MARCHF3: variants seen among roughly 807,000 people sequenced by gnomAD.
The protein encoded by MARCHF3 is E3 ubiquitin-protein ligase MARCHF3.
MARCHF3 carries 13 observed loss-of-function variants against 24.2 expected under a neutral mutation model. The ratio of observed to expected loss-of-function variants is 0.54; its 90% CI spans 0.35 to 0.85. MARCHF3 has a LOEUF of 0.85. MARCHF3 is among the 40% of genes least tolerant of loss of function. The probability of loss-of-function intolerance (pLI) is 0.01; values close to 1 mark genes in which losing one functional copy is unlikely to be tolerated. For missense variants in MARCHF3, 276 were observed against 325.0 expected (o/e 0.85, Z 1.16); for synonymous variants, 144 against 137.3 (o/e 1.05, Z -0.34).
chr5:126,898,072 A>C (rs745482798), intron 3 of MARCHF3, among the ~76,000 whole-genome samples: 1 of 152,096 alleles, frequency 6.6e-6, no homozygotes, highest in Non-Finnish European at 1.5e-5. Flanking sequence ...CTGGAGAGTG[A>C]AGGCTGCAGT....
chr5:126,932,859 T>G (rs1291034002), intron 1 of MARCHF3, among the ~76,000 whole-genome samples: 1 of 152,208 alleles, frequency 6.6e-6, no homozygotes, highest in African/African-American at 2.4e-5. Context: ...TGAAGCATTT[T>G]GTACAGATAC....
In MARCHF3 at chr5:126,869,581, G is replaced by GTTTTTTTTTT. The variant is rs1554118635; in HGVS notation, c.*1051_*1052insAAAAAAAAAA. 1.4e-4 allele frequency: 3 copies of GTTTTTTTTTT among 20,918 alleles called. No homozygotes were observed. The highest frequency in any genetic ancestry group is 2.8e-4 in the African/African-American group (2 of 7,084). The allele number at this position is 20,918 out of a possible 1,614,324, so 1.3% of individuals were successfully genotyped here. On this transcript the variant is annotated 3_prime_UTR_variant, in exon 5 of 5. Coordinates refer to ENST00000308660, the MANE Select transcript of MARCHF3 (RefSeq NM_178450.5). ...AATAAGTGCAGGGCTGCTAGGACAG[G>GTTTTTTTTTT]CTTTTTTTTTTTTTTTTTTTTTTGC... is the stretch of plus-strand genomic sequence containing the variant.
chr5:126,914,862 C>G, intron 3 of MARCHF3, 68 bp downstream of exon 3: 1 of 1,519,024 alleles, frequency 6.6e-7, no homozygotes, highest in South Asian at 1.1e-5. Context: ...GGCTTGTGAT[C>G]CAGGCATAAA....
chr5:126,976,170 C>CT (rs1751188843), intron 1 of MARCHF3, among the ~76,000 whole-genome samples: 1 of 152,144 alleles, frequency 6.6e-6, no homozygotes, highest in Non-Finnish European at 1.5e-5. Context: ...TTTTGTTAAT[C>CT]TTTTTTTCCC....
chr5:126,970,926 G>A lies in MARCHF3; in HGVS notation c.-56-52699C>T, dbSNP rs555462994. Among the ~76,000 whole-genome samples the A allele has an allele frequency of 3.3e-5, 5 of 152,306 alleles. No homozygotes were observed. The East Asian group carries it at 9.6e-4, about 29-fold the overall frequency. ...CAAGAACAGAGCACAGCAAGCAGAGGAGAGTTCAGTCTTGCTGATGTCACA... is the reference window on the plus strand; with the variant it reads ...CAAGAACAGAGCACAGCAAGCAGAGAAGAGTTCAGTCTTGCTGATGTCACA... On this transcript the variant is annotated intron_variant, in intron 1 of 4. Transcript: ENST00000308660.
At chr5:126,886,801 G>A (rs1561777986) in intron 3 of MARCHF3, among the ~76,000 whole-genome samples, 2 of 152,000 alleles carry the variant, frequency 1.3e-5, no homozygotes, top group African/African-American at 4.8e-5. Context: ...TCTCAGGGTG[G>A]CCCATACCAG....
rs937505290 is a variant in MARCHF3 at position 127,005,133 on chromosome 5, C to CTTTT, written c.-57+25213_-57+25216dup. 1.4e-3 allele frequency among the ~76,000 whole-genome samples: 168 copies of CTTTT among 122,514 alleles called. 6 individuals carry two copies. Among genetic ancestry groups the CTTTT allele is most frequent in the East Asian group, 5.1e-3 (22 of 4,300 alleles). The allele number at this position is 122,514 out of a possible 152,430, so 80.4% of individuals were successfully genotyped here. A position where few individuals can be genotyped will look rare whatever the true frequency, so the allele number is the denominator to read the frequency against. ...GGAATGACATACATGCTCAGAAAGT[C>CTTTT]TTTTTTTTTTTTTTTTTTTTTGAGA... On this transcript the variant is annotated intron_variant, in intron 1 of 4. Transcript: ENST00000308660.
chr5:127,012,939 TCCA>T (rs1469302308), intron 1 of MARCHF3, among the ~76,000 whole-genome samples: 1 of 152,206 alleles, frequency 6.6e-6, no homozygotes, highest in South Asian at 2.1e-4. Flanking sequence ...AATAACTCAT[TCCA>T]TGTCACTTGT....
intron 3 of MARCHF3, among the ~76,000 whole-genome samples, chr5:126,903,633 G>A (rs960595284): frequency 6.6e-6 from 1 of 150,494 alleles, no homozygotes; most frequent in Admixed American, 6.6e-5. Context: ...AGTCTCGTGT[G>A]TGTATATATA....
chr5:126,979,776 C>T (rs528553087), intron 1 of MARCHF3, among the ~76,000 whole-genome samples: 7 of 152,004 alleles, frequency 4.6e-5, no homozygotes, highest in Admixed American at 2.0e-4. Context: ...TGGAGAAACC[C>T]TGTCTCTACT....
At chr5:126,981,869 A>G (rs943032315) in intron 1 of MARCHF3, among the ~76,000 whole-genome samples, 5 of 152,252 alleles carry the variant, frequency 3.3e-5, no homozygotes, top group African/African-American at 7.2e-5. Context: ...TAATTTTACC[A>G]GAAGAACACA....
intron 3 of MARCHF3, among the ~76,000 whole-genome samples, chr5:126,908,853 G>A (rs1445746036): frequency 5.9e-5 from 9 of 152,258 alleles, no homozygotes; most frequent in South Asian, 2.1e-4. Flanking sequence ...GCTTTGTTCT[G>A]TTGCTGGTGA....
At chr5:126,892,171 G>C (rs1488783197) in intron 3 of MARCHF3, among the ~76,000 whole-genome samples, 1 of 144,982 alleles carries the variant, frequency 6.9e-6, no homozygotes, top group Admixed American at 7.0e-5. Flanking sequence ...TTGCTTATCA[G>C]CTTAAGGAGA....
intron 1 of MARCHF3, among the ~76,000 whole-genome samples, chr5:126,927,266 A>G (rs895436826): frequency 6.6e-6 from 1 of 152,200 alleles, no homozygotes; most frequent in Non-Finnish European, 1.5e-5. Context: ...ACCCGAGATC[A>G]CTTTATCACT....
At chr5:126,877,833 G>A (rs964637029) in intron 4 of MARCHF3, among the ~76,000 whole-genome samples, 1 of 152,086 alleles carries the variant, frequency 6.6e-6, no homozygotes, top group Non-Finnish European at 1.5e-5. Flanking sequence ...TACAATCCCG[G>A]CAAAAATGAG....
chr5:126,910,594 C>T (rs57906418), intron 3 of MARCHF3, among the ~76,000 whole-genome samples: 8,019 of 152,256 alleles, frequency 0.053, 357 homozygotes, highest in African/African-American at 0.12. Context: ...TAATTTCTTA[C>T]GCCTGTCTTT....
chr5:126,933,444 T>TC (rs1308349690), intron 1 of MARCHF3, among the ~76,000 whole-genome samples: 2 of 150,916 alleles, frequency 1.3e-5, no homozygotes, highest in African/African-American at 4.9e-5. Context: ...CTTTGGTATC[T>TC]CTTTTTTTTT....
chr5:126,904,779 A>T (rs1398339477), intron 3 of MARCHF3, among the ~76,000 whole-genome samples: 1 of 151,576 alleles, frequency 6.6e-6, no homozygotes, highest in East Asian at 1.9e-4. Flanking sequence ...GTTCACTCTG[A>T]TGGTAGTTTC....
In MARCHF3 at chr5:126,916,176, G is replaced by T. The variant is rs189969565; in HGVS notation, c.189-1042C>A. On this transcript the variant is annotated intron_variant, in intron 2 of 4. Coordinates refer to ENST00000308660, the MANE Select transcript of MARCHF3 (RefSeq NM_178450.5). ...CCAATGGAAAGAGGATGGCCTCACT[G>T]CTTGGGAGGTACCCTGCCCTGGGAG... 1.4e-4 allele frequency among the ~76,000 whole-genome samples: 21 copies of T among 152,342 alleles called. No individual in the cohort carries two copies. In the East Asian group the frequency reaches 3.7e-3, roughly 27 times the overall value.
Sources: allele counts gnomAD v4.1 joint callset (sites outside exome capture counted in the v4.1 genomes callset), GRCh38; gene constraint gnomAD v4.1.1; transcripts MANE v1.5; gene names NCBI Gene and HGNC (gene_info 2026-07-23, HGNC 2026-07-21).